Variants in ABL1 observed in about 807,000 individuals in gnomAD.
ABL1 encodes the protein ABL proto-oncogene 1, non-receptor tyrosine kinase.
ABL1 carries 11 observed loss-of-function variants against 94.7 expected under a neutral mutation model. The observed-to-expected ratio is 0.12, with a 90% CI of 0.07 to 0.19. The LOEUF (loss-of-function observed/expected upper bound fraction) is 0.19, where lower values mean the gene tolerates loss of function less well. ABL1 is among the 10% of genes least tolerant of loss of function. ABL1 has a pLI of 1.00. For missense variants in ABL1, 1,082 were observed against 1,489.4 expected, an observed-to-expected ratio of 0.73 and a Z score of 4.50; for synonymous variants, 656 against 622.4, an observed-to-expected ratio of 1.05 and a Z score of -0.80.
At chr9:130,731,391 T>A (rs958994694) in intron 1 of ABL1, among the ~76,000 whole-genome samples, 2 of 152,194 alleles carry the variant, frequency 1.3e-5, no homozygotes, top group Non-Finnish European at 2.9e-5. Flanking sequence ...GTACTTTTTT[T>A]GTGGTCTGTG....
rs587778012 is a variant in ABL1 at position 130,884,916 on chromosome 9, A to G, written c.2626A>G (p.Arg876Gly). 5.0e-5 allele frequency: 80 copies of G among 1,611,432 alleles called. No individual in the cohort carries two copies. In the East Asian group the frequency reaches 1.8e-3, roughly 35 times the overall value. Residue 876 changes from arginine to glycine, a missense_variant, in exon 11 of 11, where the codon AGG becomes GGG. This residue lies in a region of ABL1 where 780 missense variants were observed against 835.8 expected (regional missense o/e 0.93). Transcript: ENST00000318560. This position sits in a 1 kb window ranked among gnomAD's most constrained non-coding sequence, Gnocchi z 5.6. ...GGGCCCCGCCGAGGAGTCCAGAGTG[A>G]GGAGGCACAAGCACTCCTCTGAGTC... ...SKGPAEESRV[R>G]RHKHSSESPG...
intron 4 of ABL1, among the ~76,000 whole-genome samples, chr9:130,869,955 G>A (rs1219310268): frequency 1.3e-5 from 2 of 152,170 alleles, no homozygotes; most frequent in Admixed American, 6.6e-5. Context: ...CTCCTGAGTA[G>A]CTGGAACTAC....
chr9:130,745,759 A>G (rs576723529), intron 1 of ABL1, among the ~76,000 whole-genome samples: 37 of 151,960 alleles, frequency 2.4e-4, no homozygotes, highest in Non-Finnish European at 4.6e-4. Flanking sequence ...GAACTCCACA[A>G]TTGTCTGATT....
At position 130,814,975 on chromosome 9, in the gene ABL1, A is replaced by G. The variant is rs1476765905; in HGVS notation, c.137-39089A>G. Among the ~76,000 whole-genome samples the G allele has an allele frequency of 6.6e-6, 1 of 152,188 alleles. No individual in the cohort carries two copies. ...AAAAATAAAGCTGATTCTAAAATGC[A>G]TGTGCAACAGAGGATCTAGAGTAGC... On this transcript the variant is annotated intron_variant, in intron 1 of 10. Transcript: ENST00000372348. The surrounding 1 kb of genome is among the most constrained non-coding windows in gnomAD (Gnocchi z 4.4).
At chr9:130,785,928 TAAAAAAAAAAAAAAAA>T (rs34333699) in intron 1 of ABL1, among the ~76,000 whole-genome samples, 1 of 56,658 alleles carries the variant, frequency 1.8e-5, no homozygotes, top group Non-Finnish European at 3.6e-5. Flanking sequence ...GTCTCAAAAC[TAAAAAAAAAAAAAAAA>T]AAAAAAAAAA....
At chr9:130,861,919 T>C (rs1831078900) in intron 3 of ABL1, among the ~76,000 whole-genome samples, 1 of 152,258 alleles carries the variant, frequency 6.6e-6, no homozygotes, top group African/African-American at 2.4e-5. Flanking sequence ...TCTGCCAGCC[T>C]GCTCCTTCTC....
In ABL1 at chr9:130,719,220, C is replaced by T. The variant is rs149863700; in HGVS notation, c.136+4765C>T. ...AACAAACTTGGGTTATCTTATAATA[C>T]GAAAAATTCGAAGATTTAAAAACTG... On this transcript the variant is annotated intron_variant, in intron 1 of 10. Transcript: ENST00000372348. 9.9e-5 allele frequency among the ~76,000 whole-genome samples: 15 copies of T among 151,920 alleles called. No homozygotes were observed. The East Asian group carries it at 2.3e-3, about 24-fold the overall frequency.
chr9:130,750,192 C>CATATAT (rs56263750), intron 1 of ABL1, among the ~76,000 whole-genome samples: 47 of 106,430 alleles, frequency 4.4e-4, no homozygotes, highest in Non-Finnish European at 7.2e-4. Flanking sequence ...AAAAAAAATA[C>CATATAT]ATATATATAT....
chr9:130,731,990 G>T (rs1831672237), intron 1 of ABL1, among the ~76,000 whole-genome samples: 1 of 150,834 alleles, frequency 6.6e-6, no homozygotes, highest in African/African-American at 2.4e-5. Flanking sequence ...AATACCTGCT[G>T]CTTCTTTCCA....
chr9:130,741,155 T>C (rs184043445), intron 1 of ABL1, among the ~76,000 whole-genome samples: 197 of 152,320 alleles, frequency 1.3e-3, no homozygotes, highest in Non-Finnish European at 2.3e-3. Context: ...TTGCCACTTC[T>C]CCGTGTTGAG....
chr9:130,760,319 G>A (rs1487867367), intron 1 of ABL1, among the ~76,000 whole-genome samples: 1 of 152,118 alleles, frequency 6.6e-6, no homozygotes, highest in Non-Finnish European at 1.5e-5. Context: ...CTGGGACACT[G>A]TTGGCCATTA....
chr9:130,880,664 G>C lies in ABL1; in HGVS notation c.1678G>C (p.Asp560His). Residue 560 changes from aspartate to histidine, a missense_variant and splice_region_variant, in exon 10 of 11, where the codon GAT becomes CAT. Around this residue, in one of 7 missense-constraint regions of ABL1, gnomAD observed 780 missense variants for 835.8 expected, o/e 0.93. Coordinates refer to ENST00000318560, the MANE Select transcript of ABL1 (RefSeq NM_005157.6). The surrounding 1 kb of genome is among the most constrained non-coding windows in gnomAD (Gnocchi z 4.4). ...MPHSKGQGES[D>H]PLDHEPAVSP... Reference sequence around the variant, plus strand: ...TCACTCCAAGGGCCAGGGAGAGAGCGGTAAGTCCCCCGCTTCCCCCAACCC... The same window carrying C: ...TCACTCCAAGGGCCAGGGAGAGAGCCGTAAGTCCCCCGCTTCCCCCAACCC... 1 of 1,612,826 alleles carries C rather than the reference G, an allele frequency of 6.2e-7. No individual in the cohort carries two copies. The highest frequency in any genetic ancestry group is 8.5e-7 in the Non-Finnish European group (1 of 1,179,576).
intron 1 of ABL1, among the ~76,000 whole-genome samples, chr9:130,812,896 C>T (rs955977351): frequency 6.6e-6 from 1 of 152,202 alleles, no homozygotes; most frequent in Admixed American, 6.5e-5. Flanking sequence ...GTTTCCAAGA[C>T]AAATCATTTT....
chr9:130,859,713 G>A (rs1278386607), intron 3 of ABL1, among the ~76,000 whole-genome samples: 1 of 110,294 alleles, frequency 9.1e-6, no homozygotes, highest in African/African-American at 3.6e-5. Flanking sequence ...TTTTGAGACA[G>A]GCTGTCACCC....
chr9:130,766,878 G>C (rs1017765498), intron 1 of ABL1, among the ~76,000 whole-genome samples: 5 of 152,260 alleles, frequency 3.3e-5, no homozygotes, highest in African/African-American at 1.2e-4. Flanking sequence ...ACTTACATCA[G>C]ATCTTTTCAC....
At chr9:130,833,621 A>G (rs1418811067), upstream of ABL1, among the ~76,000 whole-genome samples, 1 of 152,188 alleles carries the variant, frequency 6.6e-6, no homozygotes, top group Non-Finnish European at 1.5e-5. Flanking sequence ...CTGATCTGGT[A>G]CCACGACTCT....
At chr9:130,832,104 G>T (rs1019947796), upstream of ABL1, among the ~76,000 whole-genome samples, 4 of 151,188 alleles carry the variant, frequency 2.6e-5, no homozygotes, top group African/African-American at 9.7e-5. Context: ...TAATGTTGGG[G>T]AGTTTATCCT....
At chr9:130,827,899 T>TAATAAATAAATA (rs200452899) in intron 1 of ABL1, among the ~76,000 whole-genome samples, 1,910 of 131,516 alleles carry the variant, frequency 0.015, 29 homozygotes, top group Admixed American at 0.02. Context: ...GTCTCAAAAA[T>TAATAAATAAATA]AATAAATAAA....
rs1831592107 is a variant in ABL1, at chr9:130,886,755, A to G, written c.*1072A>G. 4.3e-6 allele frequency: 1 copy of G among 233,398 alleles called. No individual in the cohort carries two copies. The highest frequency in any genetic ancestry group is 2.2e-5 in the African/African-American group (1 of 45,334). 14.5% of individuals were successfully genotyped at this position (233,398 alleles called of 1,614,324 possible). Reference sequence around the variant, plus strand: ...AGCCTTCACTTTTCTGAGTTCTTGAAGCATTTCAAAGCCCTGCCTCTGTGT... The same window carrying G: ...AGCCTTCACTTTTCTGAGTTCTTGAGGCATTTCAAAGCCCTGCCTCTGTGT... On this transcript the variant is annotated 3_prime_UTR_variant, in exon 11 of 11. Transcript: ENST00000318560.
Sources: gnomAD v4.1 joint callset for allele counts (sites outside exome capture counted in the v4.1 genomes callset) on GRCh38, gnomAD v4.1.1 for gene constraint, gnomAD v4.1.1 regional missense constraint, Gnocchi (gnomAD v3.1) non-coding constraint, MANE v1.5 for transcripts, NCBI Gene and HGNC (gene_info 2026-07-23, HGNC 2026-07-21) for gene names.